The following E2F7 variants were observed in gnomAD, a reference collection of about 807,000 sequenced individuals.
The protein encoded by E2F7 is E2F transcription factor 7, also known as transcription factor E2F7.
Under a neutral mutation model 81.1 loss-of-function variants are expected in E2F7, and 35 were observed. The ratio of observed to expected loss-of-function variants is 0.43; its 90% CI spans 0.33 to 0.57. E2F7 has a LOEUF of 0.57. E2F7 is among the 20% of genes least tolerant of loss of function. The pLI, the probability that E2F7 is intolerant of heterozygous loss-of-function variation, is 0.04. For synonymous variants in E2F7, 416 were observed against 416.2 expected (o/e 1.00, Z 0.01); for missense variants, 961 against 1,093.7 (o/e 0.88, Z 1.71).
chr12:77,033,458 G>A (rs919879238), intron 8 of E2F7, among the ~76,000 whole-genome samples: 2 of 152,132 alleles, frequency 1.3e-5, no homozygotes, highest in Non-Finnish European at 2.9e-5. Flanking sequence ...GCTGCAGTGA[G>A]CCGTGATCAT....
At chr12:77,056,325 A>G (rs909741659) in intron 2 of E2F7, among the ~76,000 whole-genome samples, 195 bp from the exon 3 acceptor site, 1 of 152,092 alleles carries the variant, frequency 6.6e-6, no homozygotes, top group East Asian at 1.9e-4. Flanking sequence ...AGTAGATTAT[A>G]CTCTGCTACT....
intron 3 of E2F7, among the ~76,000 whole-genome samples, chr12:77,051,274 C>T (rs942583717): frequency 1.3e-5 from 2 of 152,134 alleles, no homozygotes; most frequent in Admixed American, 6.6e-5. Flanking sequence ...TTTGTAAATA[C>T]ATTAAACTAG....
intron 12 of E2F7, 85 bp downstream of exon 12, chr12:77,025,473 G>T (rs1382663629): frequency 6.7e-7 from 1 of 1,484,190 alleles, no homozygotes; most frequent in African/African-American, 1.4e-5. Context: ...GCCTCTGTCC[G>T]GCAGTCATGT....
At position 77,033,902 on chromosome 12, in the gene E2F7, T is replaced by C. The variant is rs928523735; in HGVS notation, c.1264A>G (p.Arg422Gly). Reference protein sequence around the residue: ...NTVQASERIQRKVNSEPSSPY... With the variant: ...NTVQASERIQGKVNSEPSSPY... ...CTGCTCGGTTCTGAGTTCACTTTCC[T>C]CTGGATCCTCTCAGAAGCCTGAACT... Residue 422 changes from arginine (R) to glycine (G), a missense_variant, in exon 8 of 13, where the codon AGG (arginine) becomes GGG (glycine). Arg to Gly is a moderately radical substitution (Grantham distance 125, BLOSUM62 -2). Coordinates refer to ENST00000322886, the MANE Select transcript of E2F7 (RefSeq NM_203394.3). 7.4e-6 allele frequency: 12 copies of C among 1,613,830 alleles called. No individual in the cohort carries two copies. Among genetic ancestry groups the C allele is most frequent in the Non-Finnish European group, 1.0e-5 (12 of 1,179,930 alleles).
At chr12:77,044,230 T>G in intron 6 of E2F7, 1 of 455,500 alleles carries the variant, frequency 2.2e-6, no homozygotes, top group Non-Finnish European at 4.4e-6. Flanking sequence ...ACCCTGGCCA[T>G]TCTTCTGGTT....
At chr12:77,031,702 A>G (rs1410907926) in intron 9 of E2F7, among the ~76,000 whole-genome samples, 1 of 152,112 alleles carries the variant, frequency 6.6e-6, no homozygotes, top group Non-Finnish European at 1.5e-5. Context: ...ACAACAAAAA[A>G]AACAGTAAAC....
intron 12 of E2F7, among the ~76,000 whole-genome samples, chr12:77,024,733 C>T (rs116011860): frequency 0.01 from 1,596 of 152,306 alleles, 25 homozygotes; most frequent in African/African-American, 0.035. Context: ...CTGCCTAGAT[C>T]GGTGCCTGGC....
chr12:77,043,454 A>C (rs431951), intron 6 of E2F7, among the ~76,000 whole-genome samples: 79,345 of 151,694 alleles, frequency 0.52, 20,823 homozygotes, highest in Middle Eastern at 0.6. Flanking sequence ...CCTGGCGACA[A>C]ACAGGGAGCA....
At chr12:77,043,495 T>G (rs184304) in intron 6 of E2F7, among the ~76,000 whole-genome samples, 1 of 151,872 alleles carries the variant, frequency 6.6e-6, no homozygotes, top group Non-Finnish European at 1.5e-5. Context: ...AGGGAGGGAA[T>G]GGGCTGTAAT....
chr12:77,062,285 G>C (rs1488724454), intron 2 of E2F7, among the ~76,000 whole-genome samples: 2 of 152,104 alleles, frequency 1.3e-5, no homozygotes, highest in Non-Finnish European at 2.9e-5. Flanking sequence ...CCCAGCATCT[G>C]GAACAAAAAT....
In E2F7 at chr12:77,025,948, A is replaced by G. The variant is rs776425267; in HGVS notation, c.2175T>C (p.Ser725=). The change falls in exon 12 of 13, where the codon AGT becomes AGC. Residue 725 remains serine (S), a synonymous_variant. Coordinates refer to ENST00000322886, the MANE Select transcript of E2F7 (RefSeq NM_203394.3). The part of the protein sequence containing the change: ...LNGFNVLLSG[S]QTPPTVGPSS... ...ACGGGCCCACAGTAGGGGGGGTTTG[A>G]CTGCCAGATAAAAGTACATTGAAAC... is the stretch of plus-strand genomic sequence containing the variant. The G allele has an allele frequency of 3.7e-6, 6 of 1,612,736 alleles. No homozygotes were observed. The highest frequency in any genetic ancestry group is 2.2e-5 in the East Asian group (1 of 44,868).
In E2F7 at chr12:77,036,713, G is replaced by A. The variant is rs191450561; in HGVS notation, c.1124-2671C>T. 2.0e-3 allele frequency among the ~76,000 whole-genome samples: 303 copies of A among 151,254 alleles called. 1 individual carries two copies. Among genetic ancestry groups the A allele is most frequent in the African/African-American group, 7.1e-3 (295 of 41,266 alleles). ...AGTAGTTGGGACTACAGGCATGGGC[G>A]ATACCACCTGGCGTCAACCTAGAAT... is the stretch of plus-strand genomic sequence containing the variant. On this transcript the variant is annotated intron_variant, in intron 7 of 12. Coordinates refer to ENST00000322886, the MANE Select transcript of E2F7 (RefSeq NM_203394.3).
chr12:77,046,325 A>G lies in E2F7; in HGVS notation c.542T>C (p.Val181Ala), dbSNP rs1400039902. The G allele has an allele frequency of 6.2e-7, 1 of 1,608,438 alleles. No homozygotes were observed. Among genetic ancestry groups the G allele is most frequent in the East Asian group, 2.2e-5 (1 of 44,762 alleles). ...AATGTCATAGATGCGTCTCCTTTCC[A>G]CACCTGTTTGAAAAACAGAGGCTGA... ...SLDEVAVSLG[V>A]ERRRIYDIVN... Residue 181 changes from valine (V) to alanine (A), a missense_variant, in exon 5 of 13, where the codon GTG becomes GCG. This residue lies in a region of E2F7 where 301 missense variants were observed against 405.0 expected (regional missense o/e 0.74). Coordinates refer to ENST00000322886, the MANE Select transcript of E2F7 (RefSeq NM_203394.3).
chr12:77,064,002 A>C (rs1955098243), intron 2 of E2F7, among the ~76,000 whole-genome samples: 1 of 152,228 alleles, frequency 6.6e-6, no homozygotes, highest in Non-Finnish European at 1.5e-5. Flanking sequence ...AATGTAAGGG[A>C]ATGGCTCAGT....
At chr12:77,030,866 A>T (rs888604827) in intron 9 of E2F7, among the ~76,000 whole-genome samples, 1 of 152,126 alleles carries the variant, frequency 6.6e-6, no homozygotes, top group Non-Finnish European at 1.5e-5. Flanking sequence ...ACTGTGAGAG[A>T]CGCTGGGAGA....
chr12:77,025,037 G>A (rs11837321), intron 12 of E2F7, among the ~76,000 whole-genome samples: 3,332 of 152,074 alleles, frequency 0.022, 131 homozygotes, highest in African/African-American at 0.076. Flanking sequence ...CGTATGTATA[G>A]ATGTATATAC....
rs1281038277 is a variant in E2F7 at position 77,027,297 on chromosome 12, T to TTGAGTCTTAC, written c.2140+576_2140+585dup. Among the ~76,000 whole-genome samples, 21 of 152,338 alleles carry TTGAGTCTTAC rather than the reference T, an allele frequency of 1.4e-4. No homozygotes were observed. In the South Asian group the frequency reaches 4.3e-3, roughly 32 times the overall value. Reference sequence around the variant, plus strand: ...TAATACAAAATAGTAACAGCATTTATTGAGTCTTACTAAGTGCCAGGTGCT... The same window carrying TTGAGTCTTAC: ...TAATACAAAATAGTAACAGCATTTATTGAGTCTTACTGAGTCTTACTAAGTGCCAGGTGCT... On this transcript the variant is annotated intron_variant, in intron 11 of 12. Coordinates refer to ENST00000322886, the MANE Select transcript of E2F7 (RefSeq NM_203394.3).
At chr12:77,044,045 TG>T (rs968946800) in intron 6 of E2F7, among the ~76,000 whole-genome samples, 2 of 152,194 alleles carry the variant, frequency 1.3e-5, no homozygotes. Context: ...ATAGGGTGAC[TG>T]TAATTTCAGC....
rs370128394 is a variant in E2F7, at chr12:77,024,075, C to T, written c.2676G>A (p.Gln892=). Residue 892 remains glutamine, a synonymous_variant, in exon 13 of 13, where the codon CAG becomes CAA. Transcript: ENST00000322886. ...DPVLKRRERN[Q]SRNTSSAQRR... The stretch of plus-strand genomic sequence containing the variant: ...TCTGGGCCGAGCTGGTGTTTCGTGA[C>T]TGGTTCCTTTCTCTTCTCTTCAGGA... The T allele has an allele frequency of 8.3e-5, 134 of 1,613,932 alleles. No individual in the cohort carries two copies. In the Admixed American group the frequency reaches 2.2e-3, roughly 27 times the overall value.
Sources: allele counts gnomAD v4.1 joint callset (sites outside exome capture counted in the v4.1 genomes callset), GRCh38; gene constraint gnomAD v4.1.1; regional missense constraint gnomAD v4.1.1; transcripts MANE v1.5; gene names NCBI Gene and HGNC (gene_info 2026-07-23, HGNC 2026-07-21).